SMARCC1: variants seen among roughly 807,000 people sequenced by gnomAD.
SMARCC1 encodes the protein SWI/SNF complex subunit SMARCC1.
Under a neutral mutation model 147.4 loss-of-function variants are expected in SMARCC1, and 43 were observed. The observed-to-expected ratio is 0.29, with a 90% CI of 0.23 to 0.38. SMARCC1 has a LOEUF of 0.38. SMARCC1 is among the 10% of genes least tolerant of loss of function. The pLI is 1.00. For synonymous variants in SMARCC1, 495 were observed against 484.4 expected (o/e 1.02, Z -0.29); for missense variants, 1,119 against 1,381.1 (o/e 0.81, Z 3.01).
intron 11 of SMARCC1, among the ~76,000 whole-genome samples, chr3:47,693,664 C>T (rs1205863419): frequency 2.0e-5 from 3 of 151,974 alleles, no homozygotes; most frequent in Non-Finnish European, 4.4e-5. Flanking sequence ...AGAACTAATA[C>T]CTTTTTAGTT....
intron 22 of SMARCC1, among the ~76,000 whole-genome samples, chr3:47,637,954 T>C (rs191577302): frequency 1.8e-4 from 28 of 152,330 alleles, no homozygotes; most frequent in Admixed American, 1.6e-3. Flanking sequence ...CTACCTCATA[T>C]GTCATCTTCT....
In SMARCC1 at chr3:47,642,592, A is replaced by AAACAACAAC. The variant is rs34383211; in HGVS notation, c.2321-3821_2321-3813dup. On this transcript the variant is annotated intron_variant, in intron 21 of 27. Transcript: ENST00000254480. ...GCAAAAGGGCGAGACTTTGTCCCAA[A>AAACAACAAC]AACAACAACAACAACAACAACAACA... Among the ~76,000 whole-genome samples, 24 of 150,482 alleles carry AAACAACAAC rather than the reference A, an allele frequency of 1.6e-4. No individual in the cohort carries two copies. In the East Asian group the frequency reaches 3.7e-3, roughly 23 times the overall value.
At chr3:47,730,053 T>C (rs1163680071) in intron 5 of SMARCC1, among the ~76,000 whole-genome samples, 4 of 151,906 alleles carry the variant, frequency 2.6e-5, no homozygotes, top group Admixed American at 2.0e-4. Flanking sequence ...GTGGCACACG[T>C]CTGTAATCTC....
intron 16 of SMARCC1, among the ~76,000 whole-genome samples, 184 bp from the exon 17 acceptor site, chr3:47,676,966 A>T (rs930173334): frequency 1.3e-5 from 2 of 152,242 alleles, no homozygotes; most frequent in African/African-American, 4.8e-5. Flanking sequence ...AGCCACAAGT[A>T]ATGTTGATAA....
chr3:47,606,312 G>C (rs2106663126), intron 26 of SMARCC1, among the ~76,000 whole-genome samples: 2 of 152,330 alleles, frequency 1.3e-5, no homozygotes, highest in African/African-American at 4.8e-5. Context: ...TCCGTCACGG[G>C]AGGCAGCACT....
intron 3 of SMARCC1, among the ~76,000 whole-genome samples, chr3:47,745,673 T>A (rs924083252): frequency 5.3e-5 from 8 of 152,192 alleles, no homozygotes; most frequent in Non-Finnish European, 1.2e-4. Flanking sequence ...ATTCCACCAC[T>A]GCACTTCTAG....
chr3:47,757,485 C>G (rs1287994921), intron 2 of SMARCC1, among the ~76,000 whole-genome samples: 1 of 151,818 alleles, frequency 6.6e-6, no homozygotes, highest in African/African-American at 2.4e-5. Flanking sequence ...AGTAGAAAAT[C>G]AGAACGCTCA....
At chr3:47,767,736 T>C (rs1480859692) in intron 2 of SMARCC1, among the ~76,000 whole-genome samples, 2 of 150,698 alleles carry the variant, frequency 1.3e-5, no homozygotes, top group African/African-American at 4.9e-5. Context: ...GGCGTGGTGG[T>C]GGGCGCCTGT....
intron 2 of SMARCC1, among the ~76,000 whole-genome samples, chr3:47,758,946 G>C (rs2034737595): frequency 6.6e-6 from 1 of 151,874 alleles, no homozygotes; most frequent in South Asian, 2.1e-4. Flanking sequence ...GAACCAGGGA[G>C]GCGGTGGTGG....
At chr3:47,756,430 G>A (rs1197521253) in intron 2 of SMARCC1, among the ~76,000 whole-genome samples, 11 of 149,346 alleles carry the variant, frequency 7.4e-5, no homozygotes, top group Non-Finnish European at 1.2e-4. Context: ...CTACTCAAGA[G>A]GCTGAGGCAG....
At chr3:47,660,036 A>G (rs545045036) in intron 21 of SMARCC1, among the ~76,000 whole-genome samples, 1 of 152,352 alleles carries the variant, frequency 6.6e-6, no homozygotes, top group African/African-American at 2.4e-5. Flanking sequence ...AAATTACCAT[A>G]TAACTCAGCA....
intron 9 of SMARCC1, among the ~76,000 whole-genome samples, chr3:47,708,222 C>G (rs905363218): frequency 1.3e-5 from 2 of 149,028 alleles, no homozygotes; most frequent in Non-Finnish European, 3.0e-5. Context: ...TCACTGAAGC[C>G]TTAACCTCCT....
At chr3:47,694,680 T>G (rs1459788294) in intron 11 of SMARCC1, among the ~76,000 whole-genome samples, 1 of 152,238 alleles carries the variant, frequency 6.6e-6, no homozygotes, top group African/African-American at 2.4e-5. Flanking sequence ...CAGCATTTGA[T>G]AGTACTCATT....
chr3:47,687,143 A>C (rs561345631), intron 13 of SMARCC1, among the ~76,000 whole-genome samples: 1 of 152,290 alleles, frequency 6.6e-6, no homozygotes, highest in South Asian at 2.1e-4. Context: ...TTTCTATAAG[A>C]ATAGTAAAAA....
At chr3:47,654,638 T>C (rs1419282092) in intron 21 of SMARCC1, among the ~76,000 whole-genome samples, 1 of 152,232 alleles carries the variant, frequency 6.6e-6, no homozygotes, top group African/African-American at 2.4e-5. Context: ...TGGCCCCGAT[T>C]CCTAGCAAAG....
chr3:47,608,931 G>C (rs1434234108), intron 26 of SMARCC1, among the ~76,000 whole-genome samples: 1 of 151,932 alleles, frequency 6.6e-6, no homozygotes, highest in Non-Finnish European at 1.5e-5. Flanking sequence ...GTTTGTGTGG[G>C]GGGGTTAGAA....
intron 26 of SMARCC1, among the ~76,000 whole-genome samples, chr3:47,597,145 A>G (rs1177382133): frequency 6.8e-6 from 1 of 146,382 alleles, no homozygotes; most frequent in African/African-American, 2.6e-5. Context: ...GGCGAGACTC[A>G]GTCTCAAAAA....
At chr3:47,652,408 A>G (rs1348251460) in intron 21 of SMARCC1, among the ~76,000 whole-genome samples, 1 of 152,158 alleles carries the variant, frequency 6.6e-6, no homozygotes, top group East Asian at 1.9e-4. Context: ...TATTTCCCAT[A>G]GTATCTAAGA....
intron 18 of SMARCC1, among the ~76,000 whole-genome samples, chr3:47,671,198 A>AAAAAAAAAAAAAAC (rs2033497285): frequency 2.2e-5 from 3 of 136,680 alleles, no homozygotes; most frequent in Non-Finnish European, 3.2e-5. Context: ...AAAAAAAAAA[A>AAAAAAAAAAAAAAC]CACACACAAA....
Sources: gnomAD v4.1 joint callset for allele counts (sites outside exome capture counted in the v4.1 genomes callset) on GRCh38, gnomAD v4.1.1 for gene constraint, MANE v1.5 for transcripts, NCBI Gene and HGNC (gene_info 2026-07-23, HGNC 2026-07-21) for gene names.